PCDH15: variants seen among roughly 807,000 people sequenced by gnomAD.
PCDH15 encodes the protein protocadherin related 15, also known as protocadherin-15.
Under a neutral mutation model 178.5 loss-of-function variants are expected in PCDH15, and 129 were observed. The ratio of observed to expected loss-of-function variants is 0.72; its 90% CI spans 0.63 to 0.84. PCDH15 has a LOEUF of 0.84. Ranked by LOEUF, PCDH15 falls within the 40% of genes least tolerant of loss-of-function variation. PCDH15 has a pLI of 0.00. For synonymous variants in PCDH15, 800 were observed against 732.0 expected, an observed-to-expected ratio of 1.09 and a Z score of -1.50; for missense variants, 2,230 against 2,099.9, an observed-to-expected ratio of 1.06 and a Z score of -1.21.
chr10:55,227,522 A>G (rs75897708), intron 1 of PCDH15, among the ~76,000 whole-genome samples: 1 of 152,256 alleles, frequency 6.6e-6, no homozygotes, highest in African/African-American at 2.4e-5. Flanking sequence ...GTCAGCAGTA[A>G]TAGAGCAGAA....
At chr10:54,789,110 C>A (rs527417246) in intron 1 of PCDH15, among the ~76,000 whole-genome samples, 1 of 151,616 alleles carries the variant, frequency 6.6e-6, no homozygotes, top group African/African-American at 2.4e-5. Context: ...TGAATGGCTC[C>A]CAAAACATTC....
intron 1 of PCDH15, among the ~76,000 whole-genome samples, chr10:54,795,637 G>T (rs945848913): frequency 6.6e-6 from 1 of 151,702 alleles, no homozygotes; most frequent in Non-Finnish European, 1.5e-5. Flanking sequence ...AAAATACAAC[G>T]TGCAAGGCCA....
chr10:53,822,207 C>G, intron 32 of PCDH15: 1 of 1,613,922 alleles, frequency 6.2e-7, no homozygotes, highest in South Asian at 1.1e-5. Flanking sequence ...TATACAGACA[C>G]ACTCTGTGGA....
chr10:53,914,272 C>T (rs1209295237), intron 25 of PCDH15, among the ~76,000 whole-genome samples: 1 of 151,974 alleles, frequency 6.6e-6, no homozygotes, highest in African/African-American at 2.4e-5. Context: ...GGATATATAC[C>T]CAAAGGATGA....
intron 8 of PCDH15, among the ~76,000 whole-genome samples, chr10:54,284,679 C>A (rs1270377368): frequency 1.3e-5 from 2 of 152,130 alleles, no homozygotes; most frequent in Non-Finnish European, 1.5e-5. Context: ...TACAGAGCTG[C>A]CCATTGTGGT....
chr10:55,586,155 A>G (rs1320324954), intron 2 of PCDH15, among the ~76,000 whole-genome samples: 1 of 152,158 alleles, frequency 6.6e-6, no homozygotes, highest in African/African-American at 2.4e-5. Flanking sequence ...CATAGGTACT[A>G]TGATTATTCT....
intron 2 of PCDH15, among the ~76,000 whole-genome samples, chr10:55,504,107 T>C: frequency 6.6e-6 from 1 of 151,368 alleles, no homozygotes; most frequent in East Asian, 1.9e-4. Flanking sequence ...GTTATACCTT[T>C]GTTTGAACCT....
intron 2 of PCDH15, among the ~76,000 whole-genome samples, chr10:55,419,745 T>C (rs1425367916): frequency 6.6e-6 from 1 of 151,780 alleles, no homozygotes; most frequent in Non-Finnish European, 1.5e-5. Flanking sequence ...ATATTATCTA[T>C]AGTTGCTTTA....
At chr10:54,426,899 A>G (rs993496361) in intron 3 of PCDH15, among the ~76,000 whole-genome samples, 1 of 151,794 alleles carries the variant, frequency 6.6e-6, no homozygotes, top group African/African-American at 2.4e-5. Flanking sequence ...TAGTTTTCCC[A>G]TGAGTATAAA....
At chr10:55,247,666 C>T (rs1364171561) in intron 1 of PCDH15, 1 of 150,460 alleles carries the variant, frequency 6.6e-6, no homozygotes, top group Non-Finnish European at 1.5e-5. Flanking sequence ...CATCTGTAAT[C>T]CCAGCATTTT....
intron 2 of PCDH15, among the ~76,000 whole-genome samples, chr10:55,488,378 C>T (rs1394295328): frequency 6.6e-6 from 1 of 151,442 alleles, no homozygotes; most frequent in African/African-American, 2.4e-5. Context: ...ACAGAACAGC[C>T]GTTAGTACAT....
At chr10:54,505,315 C>T (rs967865798) in intron 3 of PCDH15, among the ~76,000 whole-genome samples, 1 of 152,060 alleles carries the variant, frequency 6.6e-6, no homozygotes, top group South Asian at 2.1e-4. Flanking sequence ...TAGCTAATAA[C>T]ATACTTAGGG....
intron 2 of PCDH15, among the ~76,000 whole-genome samples, chr10:55,384,509 A>C (rs1837607745): frequency 6.6e-6 from 1 of 152,130 alleles, no homozygotes; most frequent in South Asian, 2.1e-4. Flanking sequence ...AAATGAAATT[A>C]ACCTGAATCA....
intron 9 of PCDH15, among the ~76,000 whole-genome samples, chr10:54,215,906 G>C (rs1591222471): frequency 1.3e-5 from 2 of 151,840 alleles, no homozygotes; most frequent in East Asian, 1.9e-4. Flanking sequence ...TAGCCAGCCT[G>C]GTGGCGGGCG....
At chr10:55,158,638 T>C (rs1057477571) in intron 2 of PCDH15, among the ~76,000 whole-genome samples, 1 of 148,008 alleles carries the variant, frequency 6.8e-6, no homozygotes, top group Non-Finnish European at 1.5e-5. Flanking sequence ...AAGTGACAAA[T>C]ACATGAAATC....
chr10:55,401,989 A>C (rs1257379428), intron 2 of PCDH15, among the ~76,000 whole-genome samples: 1 of 152,016 alleles, frequency 6.6e-6, no homozygotes, highest in African/African-American at 2.4e-5. Context: ...TGAACATGTT[A>C]ATTGAATCCA....
chr10:54,317,208 G>T, intron 8 of PCDH15, 63 bp downstream of exon 8: 2 of 1,532,376 alleles, frequency 1.3e-6, no homozygotes, highest in African/African-American at 1.4e-5. Context: ...CAAAATACTT[G>T]AACATGATCC....
chr10:54,954,776 T>C (rs1266823617), intron 2 of PCDH15, among the ~76,000 whole-genome samples: 1 of 151,268 alleles, frequency 6.6e-6, no homozygotes, highest in Non-Finnish European at 1.5e-5. Context: ...CTCCCCTTTA[T>C]TAAAGTTTGT....
chr10:54,015,475 A>G (rs1489764397), intron 20 of PCDH15, among the ~76,000 whole-genome samples: 6 of 152,146 alleles, frequency 3.9e-5, no homozygotes, highest in Non-Finnish European at 7.4e-5. Context: ...AAAGCTGAAG[A>G]TATCACATTT....
Sources: gnomAD v4.1 joint callset for allele counts (sites outside exome capture counted in the v4.1 genomes callset) on GRCh38, gnomAD v4.1.1 for gene constraint, MANE v1.5 for transcripts, NCBI Gene and HGNC (gene_info 2026-07-23, HGNC 2026-07-21) for gene names.